The following GPR151 variants were observed in gnomAD, a reference collection of about 807,000 sequenced individuals.
The protein encoded by GPR151 is G protein-coupled receptor 151, also known as G-protein coupled receptor PGR7.
In GPR151, 16 loss-of-function variants were observed where a neutral mutation model predicts 18.2. The ratio of observed to expected loss-of-function variants is 0.88; its 90% CI spans 0.60 to 1.34. The LOEUF is 1.34. Among genes scored for constraint, GPR151 ranks in the 40% most tolerant of loss-of-function variants. The probability of loss-of-function intolerance (pLI) is 0.00; values close to 1 mark genes in which losing one functional copy is unlikely to be tolerated. For missense variants in GPR151, 509 were observed against 504.3 expected (o/e 1.01, Z -0.09); for synonymous variants, 202 against 191.2 (o/e 1.06, Z -0.47).
Position 146,514,933 on chromosome 5 carries a change from T to A in GPR151, c.1181A>T (p.Asp394Val). 6.2e-7 allele frequency: 1 copy of A among 1,613,814 alleles called. No homozygotes were observed. The highest frequency in any genetic ancestry group is 8.5e-7 in the Non-Finnish European group (1 of 1,179,702). Residue 394 changes from aspartate to valine, a missense_variant, in exon 1 of 1, where the codon GAC (aspartate) becomes GTC (valine). Transcript: ENST00000311104. ...PDVEQFWHER[D>V]TVPSVQDNDP... is the part of the protein sequence containing the mutation. ...ATTGTCCTGTACAGAAGGGACTGTG[T>A]CCCTCTCATGCCAAAACTGCTCTAC...
In GPR151 at chr5:146,515,106, C is replaced by G. The variant is rs768060597; in HGVS notation, c.1008G>C (p.Gln336His). 4.3e-6 allele frequency: 7 copies of G among 1,614,120 alleles called. No homozygotes were observed. In the Admixed American group the frequency reaches 1.0e-4, roughly 23 times the overall value. The stretch of plus-strand genomic sequence containing the variant: ...CCTCTGAGTTGCCAGCTGGTGTTTC[C>G]TGAGACTCTGAGACAGTTGGAGGTT... ...TKKPPTVSES[Q>H]ETPAGNSEGL... The change falls in exon 1 of 1, where the codon CAG (glutamine) becomes CAC (histidine). Residue 336 changes from glutamine (Q) to histidine (H), a missense_variant. Transcript: ENST00000311104.
At position 146,515,668 on chromosome 5, in the gene GPR151, A is replaced by G; in HGVS notation, c.446T>C (p.Ile149Thr). The change falls in exon 1 of 1, where the codon ATC becomes ACC. Residue 149 changes from isoleucine to threonine, a missense_variant. Coordinates refer to ENST00000311104, the MANE Select transcript of GPR151 (RefSeq NM_194251.3). ...CACTGACCAGATGGTGTAGTTGTGGATACTCACTTGCTTGGCTGGGTCACT... is the reference window on the plus strand; with the variant it reads ...CACTGACCAGATGGTGTAGTTGTGGGTACTCACTTGCTTGGCTGGGTCACT... ...YASDPAKQVS[I>T]HNYTIWSVLV... is the part of the protein sequence containing the mutation. 2 of 1,614,128 alleles carry G rather than the reference A, an allele frequency of 1.2e-6. No individual in the cohort carries two copies. Among genetic ancestry groups the G allele is most frequent in the Non-Finnish European group, 1.7e-6 (2 of 1,180,036 alleles).
Position 146,513,209 on chromosome 5 carries a change from T to G in GPR151, c.*1645A>C, listed in dbSNP as rs1428464040. On this transcript the variant is annotated 3_prime_UTR_variant, in exon 1 of 1. Transcript: ENST00000311104. ...TACATATAATGAACATAAAAATTAT[T>G]TATTCAAATAATCACAGACAATGAT... 1 of 152,216 alleles carries G rather than the reference T, an allele frequency of 6.6e-6. No homozygotes were observed. The highest frequency in any genetic ancestry group is 1.5e-5 in the Non-Finnish European group (1 of 68,044). The allele number at this position is 152,216 out of a possible 1,614,324, so 9.4% of individuals were successfully genotyped here.
At position 146,515,338 on chromosome 5, in the gene GPR151, G is replaced by A; in HGVS notation, c.776C>T (p.Ser259Phe). 1 of 1,614,214 alleles carries A rather than the reference G, an allele frequency of 6.2e-7. No homozygotes were observed. ...TVMLLSIAIISALLWLPEWVA... is the reference protein window; with the variant it reads ...TVMLLSIAIIFALLWLPEWVA... ...CCATTCGGGGAGCCACAAGAGAGCA[G>A]AGATGATGGCAATGCTCAGCAGCAT... is the stretch of plus-strand genomic sequence containing the variant. Residue 259 changes from serine to phenylalanine, a missense_variant, in exon 1 of 1, where the codon TCT becomes TTT. By Grantham distance (155) the Ser-to-Phe change is radical. Transcript: ENST00000311104.
Position 146,515,400 on chromosome 5 carries a change from A to G in GPR151, c.714T>C (p.Asn238=). 1.2e-6 allele frequency: 2 copies of G among 1,614,142 alleles called. No individual in the cohort carries two copies. Among genetic ancestry groups the G allele is most frequent in the Non-Finnish European group, 8.5e-7 (1 of 1,180,044 alleles). The change falls in exon 1 of 1, where the codon AAT becomes AAC. Residue 238 remains asparagine (N), a synonymous_variant. Transcript: ENST00000311104. ...QCKKRGTKTQ[N]LRNQIRSKQV... is the part of the protein sequence containing the mutation. ...GCTTTGAGCGTATCTGGTTTCTAAG[A>G]TTTTGAGTCTTAGTTCCTCGTTTTT...
Position 146,516,082 on chromosome 5 carries a change from G to A in GPR151, c.32C>T (p.Ser11Phe). The change falls in exon 1 of 1, where the codon TCC (serine) becomes TTC (phenylalanine). Residue 11 changes from serine to phenylalanine, a missense_variant. Transcript: ENST00000311104. ...AGCAAAGGACACATTCATGCTGCTG[G>A]AGTTAGAGTCTGCAAAGGCAGCTGC... Reference protein sequence around the residue: MLAAAFADSNSSSMNVSFAHL... With the variant: MLAAAFADSNFSSMNVSFAHL... 6.2e-7 allele frequency: 1 copy of A among 1,612,946 alleles called. No individual in the cohort carries two copies. Among genetic ancestry groups the A allele is most frequent in the Non-Finnish European group, 8.5e-7 (1 of 1,179,584 alleles).
rs1285870040 is a variant in GPR151, at chr5:146,513,249, C to T, written c.*1605G>A. 1 of 152,096 alleles carries T rather than the reference C, an allele frequency of 6.6e-6. No homozygotes were observed. The highest frequency in any genetic ancestry group is 1.5e-5 in the Non-Finnish European group (1 of 68,016). The allele number at this position is 152,096 out of a possible 1,614,324, so 9.4% of individuals were successfully genotyped here. A position where few individuals can be genotyped will look rare whatever the true frequency, so the allele number is the denominator to read the frequency against. On this transcript the variant is annotated 3_prime_UTR_variant, in exon 1 of 1. Coordinates refer to ENST00000311104, the MANE Select transcript of GPR151 (RefSeq NM_194251.3). ...CAGACAATGATAATCCTTTTTATAA[C>T]TACCATATCACAAGACAATATTTTG...
chr5:146,516,114 C>T lies in GPR151; in HGVS notation c.-1G>A. 3.1e-6 allele frequency: 5 copies of T among 1,605,700 alleles called. No homozygotes were observed. Among genetic ancestry groups the T allele is most frequent in the South Asian group, 1.1e-5 (1 of 90,148 alleles). On this transcript the variant is annotated 5_prime_UTR_variant, in exon 1 of 1. Coordinates refer to ENST00000311104, the MANE Select transcript of GPR151 (RefSeq NM_194251.3). The stretch of plus-strand genomic sequence containing the variant: ...AGTCTGCAAAGGCAGCTGCCAGCAT[C>T]ACTCTTCACAGCTTCTTACAGAAGT...
chr5:146,515,511 C>T lies in GPR151; in HGVS notation c.603G>A (p.Met201Ile), dbSNP rs147432503. Reference protein sequence around the residue: ...VPAVAEEFMSMFGKLYPLLAF... With the variant: ...VPAVAEEFMSIFGKLYPLLAF... ...CCAGGAGTGGGTAGAGCTTACCAAA[C>T]ATCGACATAAACTCTTCAGCCACAG... Residue 201 changes from methionine to isoleucine, a missense_variant, in exon 1 of 1, where the codon ATG becomes ATA. Met to Ile is a conservative substitution (Grantham distance 10, BLOSUM62 1). Coordinates refer to ENST00000311104, the MANE Select transcript of GPR151 (RefSeq NM_194251.3). 158 of 1,614,154 alleles carry T rather than the reference C, an allele frequency of 9.8e-5. 1 individual carries two copies. In the African/African-American group the frequency reaches 1.9e-3, roughly 19 times the overall value.
At position 146,515,675 on chromosome 5, in the gene GPR151, C is replaced by G; in HGVS notation, c.439G>C (p.Val147Leu). The G allele has an allele frequency of 1.9e-6, 3 of 1,613,914 alleles. No individual in the cohort carries two copies. The highest frequency in any genetic ancestry group is 1.1e-5 in the South Asian group (1 of 91,012). The part of the protein sequence containing the change: ...FMYASDPAKQ[V>L]SIHNYTIWSV... ...CAGATGGTGTAGTTGTGGATACTCA[C>G]TTGCTTGGCTGGGTCACTTGCATAC... is the stretch of plus-strand genomic sequence containing the variant. The change falls in exon 1 of 1, where the codon GTG (valine) becomes CTG (leucine). Residue 147 changes from valine to leucine, a missense_variant. Val to Leu is a conservative substitution (Grantham distance 32). Transcript: ENST00000311104.
rs1462342564 is a variant in GPR151 at position 146,513,928 on chromosome 5, T to G, written c.*926A>C. The G allele has an allele frequency of 6.6e-6, 1 of 152,230 alleles. No individual in the cohort carries two copies. The highest frequency in any genetic ancestry group is 1.5e-5 in the Non-Finnish European group (1 of 68,040). The allele number at this position is 152,230 out of a possible 1,614,324, so 9.4% of individuals were successfully genotyped here. A position where few individuals can be genotyped will look rare whatever the true frequency, so the allele number is the denominator to read the frequency against. The stretch of plus-strand genomic sequence containing the variant: ...TTAACAAGAAAGATCACCATCTCCA[T>G]CTTCTATTTGTATTTGAGGAGTAAT... On this transcript the variant is annotated 3_prime_UTR_variant, in exon 1 of 1. Transcript: ENST00000311104.
rs377612164 is a variant in GPR151 at position 146,515,000 on chromosome 5, T to C, written c.1114A>G (p.Lys372Glu). The C allele has an allele frequency of 1.8e-5, 29 of 1,614,056 alleles. No homozygotes were observed. Among genetic ancestry groups the C allele is most frequent in the Non-Finnish European group, 2.2e-5 (26 of 1,180,032 alleles). ...ATCTCTGCCTTCTCAGTTTTCCCTT[T>C]GCCAGAGGAGGGAGAGCTGGGTTTC... ...KEKPSSPSSG[K>E]GKTEKAEIPI... The change falls in exon 1 of 1, where the codon AAA becomes GAA. Residue 372 changes from lysine (K) to glutamate (E), a missense_variant. Coordinates refer to ENST00000311104, the MANE Select transcript of GPR151 (RefSeq NM_194251.3).
At position 146,515,907 on chromosome 5, in the gene GPR151, C is replaced by T. The variant is rs762104399; in HGVS notation, c.207G>A (p.Lys69=). 2 of 1,614,124 alleles carry T rather than the reference C, an allele frequency of 1.2e-6. No homozygotes were observed. The highest frequency in any genetic ancestry group is 1.7e-6 in the Non-Finnish European group (2 of 1,180,032). Residue 69 remains lysine, a synonymous_variant, in exon 1 of 1, where the codon AAG becomes AAA. Transcript: ENST00000311104. The part of the protein sequence containing the change: ...GILLHNAWKG[K]PSMIHSLILN... ...GAATCAGGGAGTGGATCATGGATGGCTTTCCTTTCCAAGCATTGTGAAGGA... is the reference window on the plus strand; with the variant it reads ...GAATCAGGGAGTGGATCATGGATGGTTTTCCTTTCCAAGCATTGTGAAGGA...
chr5:146,514,860 A>G lies in GPR151; in HGVS notation c.1254T>C (p.Val418=), dbSNP rs771739074. The G allele has an allele frequency of 3.8e-6, 6 of 1,576,338 alleles. No homozygotes were observed. Among genetic ancestry groups the G allele is most frequent in the African/African-American group, 1.4e-5 (1 of 73,374 alleles). ...TTTGCTTTGAAACTTAAATCTATTT[A>G]ACACCTTCCCCTGTCTCTTGATCTT... ...EHEDQETGEG[V]K The change falls in exon 1 of 1, where the codon GTT becomes GTC. Residue 418 remains valine (V), a synonymous_variant. Transcript: ENST00000311104.
Position 146,515,731 on chromosome 5 carries a change from G to A in GPR151, c.383C>T (p.Thr128Ile). Residue 128 changes from threonine (T) to isoleucine (I), a missense_variant, in exon 1 of 1, where the codon ACA becomes ATA. By Grantham distance (89) the Thr-to-Ile change is moderately conservative (BLOSUM62 -1). Coordinates refer to ENST00000311104, the MANE Select transcript of GPR151 (RefSeq NM_194251.3). ...IHTCMAAKSL[T>I]IVVVAKVCFM... is the part of the protein sequence containing the mutation. ...GCATACTTTGGCCACCACAACGATTGTCAGGCTCTTGGCTGCCATGCATGT... is the reference window on the plus strand; with the variant it reads ...GCATACTTTGGCCACCACAACGATTATCAGGCTCTTGGCTGCCATGCATGT... The A allele has an allele frequency of 1.9e-6, 3 of 1,614,210 alleles. No homozygotes were observed. In the South Asian group the frequency reaches 3.3e-5, roughly 18 times the overall value.
Position 146,514,791 on chromosome 5 carries a change from A to G in GPR151, c.*63T>C. 1.9e-6 allele frequency: 2 copies of G among 1,058,400 alleles called. No individual in the cohort carries two copies. Among genetic ancestry groups the G allele is most frequent in the Non-Finnish European group, 1.4e-6 (1 of 735,744 alleles). 65.6% of individuals were successfully genotyped at this position (1,058,400 alleles called of 1,614,324 possible). ...TATATCAGTTTGTAAAGTCAGCAAT[A>G]TTGATAAGCAGCAGTACAAGTAAAT... On this transcript the variant is annotated 3_prime_UTR_variant, in exon 1 of 1. Transcript: ENST00000311104.
At position 146,514,797 on chromosome 5, in the gene GPR151, AAGC is replaced by A. The variant is rs1389867974; in HGVS notation, c.*54_*56del. On this transcript the variant is annotated 3_prime_UTR_variant, in exon 1 of 1. Coordinates refer to ENST00000311104, the MANE Select transcript of GPR151 (RefSeq NM_194251.3). ...AGTTTGTAAAGTCAGCAATATTGAT[AAGC>A]AGCAGTACAAGTAAATACAATAATC... 1.8e-6 allele frequency: 2 copies of A among 1,103,482 alleles called. No homozygotes were observed. The highest frequency in any genetic ancestry group is 2.6e-6 in the Non-Finnish European group (2 of 774,108). The allele number at this position is 1,103,482 out of a possible 1,614,324, so 68.4% of individuals were successfully genotyped here.
Position 146,515,121 on chromosome 5 carries a change from A to T in GPR151, c.993T>A (p.Thr331=). ...CTGGTGTTTCCTGAGACTCTGAGACAGTTGGAGGTTTTTTGGTTATCATCC... is the reference window on the plus strand; with the variant it reads ...CTGGTGTTTCCTGAGACTCTGAGACTGTTGGAGGTTTTTTGGTTATCATCC... ...WKWMITKKPP[T]VSESQETPAG... is the part of the protein sequence containing the mutation. The change falls in exon 1 of 1, where the codon ACT becomes ACA. Residue 331 remains threonine (T), a synonymous_variant. Coordinates refer to ENST00000311104, the MANE Select transcript of GPR151 (RefSeq NM_194251.3). 1 of 1,614,164 alleles carries T rather than the reference A, an allele frequency of 6.2e-7. No homozygotes were observed. The highest frequency in any genetic ancestry group is 8.5e-7 in the Non-Finnish European group (1 of 1,180,014).
At position 146,515,812 on chromosome 5, in the gene GPR151, T is replaced by C. The variant is rs376414436; in HGVS notation, c.302A>G (p.Lys101Arg). 3.7e-6 allele frequency: 6 copies of C among 1,614,138 alleles called. No homozygotes were observed. The highest frequency in any genetic ancestry group is 4.2e-6 in the Non-Finnish European group (5 of 1,180,022). The part of the protein sequence containing the change: ...SAPIRATAYS[K>R]SVWDLGWFVC... ...AAACCAGCCTAGATCCCAAACACTT[T>C]TGGAGTACGCCGTAGCTCGGATAGG... Residue 101 changes from lysine (K) to arginine (R), a missense_variant, in exon 1 of 1, where the codon AAA becomes AGA. Lys to Arg is a conservative substitution (Grantham distance 26, BLOSUM62 2). Coordinates refer to ENST00000311104, the MANE Select transcript of GPR151 (RefSeq NM_194251.3).
Sources: allele counts gnomAD v4.1 joint callset, GRCh38; gene constraint gnomAD v4.1.1; transcripts MANE v1.5; gene names NCBI Gene and HGNC (gene_info 2026-07-23, HGNC 2026-07-21).